The following ABTB3 variants were observed in gnomAD, a reference collection of about 807,000 sequenced individuals.
ABTB3 encodes the protein ankyrin repeat- and BTB/POZ domain-containing protein 3.
chr12:107,349,170 G>A, the ABTB3 span, among the ~76,000 whole-genome samples: 1 of 152,212 alleles, frequency 6.6e-6, no homozygotes, highest in Non-Finnish European at 1.5e-5. Context: ...TGGAGAGGTA[G>A]CTTCTCAGGA....
the ABTB3 span, among the ~76,000 whole-genome samples, chr12:107,419,871 T>C: frequency 6.6e-6 from 1 of 152,278 alleles, no homozygotes; most frequent in Admixed American, 6.5e-5. Flanking sequence ...AGAGCATGCC[T>C]AGCAGAGGGA....
the ABTB3 span, among the ~76,000 whole-genome samples, chr12:107,542,754 A>G: frequency 6.6e-6 from 1 of 152,220 alleles, no homozygotes; most frequent in Non-Finnish European, 1.5e-5. Context: ...ATTCTTATAT[A>G]TGATATTCTT....
chr12:107,318,881 T>C, the ABTB3 span: 7 of 1,501,110 alleles, frequency 4.7e-6, no homozygotes, highest in Non-Finnish European at 6.3e-6. Context: ...CGGCACTCGC[T>C]GCTCCTCGCC....
At chr12:107,429,798 T>C in the ABTB3 span, among the ~76,000 whole-genome samples, 1 of 152,240 alleles carries the variant, frequency 6.6e-6, no homozygotes, top group Non-Finnish European at 1.5e-5. Flanking sequence ...TGGATAGGCT[T>C]TGCAATGTCT....
At chr12:107,407,433 A>C in the ABTB3 span, among the ~76,000 whole-genome samples, 1 of 152,198 alleles carries the variant, frequency 6.6e-6, no homozygotes, top group Non-Finnish European at 1.5e-5. Context: ...CTACAGATCC[A>C]AGAAGGCTTG....
At chr12:107,579,762 A>G in the ABTB3 span, among the ~76,000 whole-genome samples, 292 of 152,310 alleles carry the variant, frequency 1.9e-3, no homozygotes, top group African/African-American at 6.7e-3. Context: ...TGCCAAGAAC[A>G]TATTTGCATG....
chr12:107,529,954 G>A, the ABTB3 span, among the ~76,000 whole-genome samples: 2 of 152,200 alleles, frequency 1.3e-5, no homozygotes, highest in African/African-American at 4.8e-5. Flanking sequence ...GACTTTATAA[G>A]CAGGCTTTGC....
At chr12:107,584,108 T>C in the ABTB3 span, among the ~76,000 whole-genome samples, 6 of 152,042 alleles carry the variant, frequency 3.9e-5, no homozygotes, top group Non-Finnish European at 8.8e-5. Flanking sequence ...TTCAGACTAG[T>C]CAACATACAG....
the ABTB3 span, among the ~76,000 whole-genome samples, chr12:107,324,528 T>C: frequency 2.0e-5 from 3 of 152,254 alleles, no homozygotes; most frequent in Admixed American, 6.5e-5. Flanking sequence ...TTTGCTGTAC[T>C]TTAAACTTCA....
the ABTB3 span, among the ~76,000 whole-genome samples, chr12:107,504,235 G>A: frequency 6.6e-6 from 1 of 152,124 alleles, no homozygotes; most frequent in Non-Finnish European, 1.5e-5. Flanking sequence ...ATTGTGGAAG[G>A]CCTATTAGTT....
At chr12:107,433,355 G>T in the ABTB3 span, among the ~76,000 whole-genome samples, 1 of 151,320 alleles carries the variant, frequency 6.6e-6, no homozygotes, top group African/African-American at 2.4e-5. Flanking sequence ...GAGGCAAGGG[G>T]GTTTGTTGGA....
chr12:107,467,192 A>C, the ABTB3 span, among the ~76,000 whole-genome samples: 1 of 152,154 alleles, frequency 6.6e-6, no homozygotes, highest in Non-Finnish European at 1.5e-5. Context: ...GTGTGGTCTC[A>C]AGTTTGCTGT....
At chr12:107,640,255 C>CT in the ABTB3 span, 1 of 1,043,168 alleles carries the variant, frequency 9.6e-7, no homozygotes, top group South Asian at 1.6e-5. Flanking sequence ...CAAGATAAAT[C>CT]TAAACTTCAT....
At chr12:107,560,689 G>A in the ABTB3 span, among the ~76,000 whole-genome samples, 2 of 152,278 alleles carry the variant, frequency 1.3e-5, no homozygotes, top group African/African-American at 2.4e-5. Flanking sequence ...GCTGCTCTAG[G>A]GATTGCCGGT....
chr12:107,602,302 T>C, the ABTB3 span, among the ~76,000 whole-genome samples: 17,854 of 152,228 alleles, frequency 0.12, 1,249 homozygotes, highest in African/African-American at 0.18. Context: ...ATTCTGGTGG[T>C]ATTTGTTAGA....
the ABTB3 span, chr12:107,319,885 C>T: frequency 2.3e-6 from 3 of 1,330,164 alleles, no homozygotes; most frequent in Admixed American, 5.7e-5. Context: ...GCTGTTGCGC[C>T]CCGCCGGCCG....
At chr12:107,331,708 A>G in the ABTB3 span, among the ~76,000 whole-genome samples, 1 of 152,136 alleles carries the variant, frequency 6.6e-6, no homozygotes, top group Non-Finnish European at 1.5e-5. Flanking sequence ...GAGGGCGGAG[A>G]GCAGGGAATC....
chr12:107,327,315 C>G, the ABTB3 span, among the ~76,000 whole-genome samples: 2 of 152,148 alleles, frequency 1.3e-5, no homozygotes, highest in Non-Finnish European at 2.9e-5. Context: ...TTAATGGCAG[C>G]TACCTTGAGG....
chr12:107,548,915 G>A, the ABTB3 span, among the ~76,000 whole-genome samples: 1 of 152,130 alleles, frequency 6.6e-6, no homozygotes, highest in Non-Finnish European at 1.5e-5. Flanking sequence ...AGGATAAATG[G>A]GAGTATTTTG....
Sources: allele counts gnomAD v4.1 joint callset (sites outside exome capture counted in the v4.1 genomes callset), GRCh38; gene constraint gnomAD v4.1.1; transcripts MANE v1.5; gene names NCBI Gene and HGNC (gene_info 2026-07-23, HGNC 2026-07-21).